GUCY1A2: variants seen among roughly 807,000 people sequenced by gnomAD.
The protein encoded by GUCY1A2 is guanylate cyclase 1 soluble subunit alpha 2, also known as guanylate cyclase soluble subunit alpha-2.
In GUCY1A2, 27 loss-of-function variants were observed where a neutral mutation model predicts 63.5. The observed-to-expected ratio is 0.43, with a 90% confidence interval of 0.31 to 0.59. The LOEUF (loss-of-function observed/expected upper bound fraction) is 0.59. GUCY1A2 is among the 20% of genes least tolerant of loss of function. The probability of loss-of-function intolerance (pLI) is 0.11; values close to 1 mark genes in which losing one functional copy is unlikely to be tolerated. For missense variants in GUCY1A2, 768 were observed against 913.3 expected (o/e 0.84, Z 2.05); for synonymous variants, 364 against 343.5 (o/e 1.06, Z -0.66).
At position 106,675,831 on chromosome 11, in the gene GUCY1A2, G is replaced by T. The variant is rs964556027; in HGVS notation, c.*11718C>A. On this transcript the variant is annotated 3_prime_UTR_variant, in exon 8 of 8. Transcript: ENST00000526355. ...TTTTTCACAATTTCAAAATAAGTCA[G>T]TATAGGATAAACAAAAGTTAACAGA... 1.6e-5 allele frequency: 3 copies of T among 187,166 alleles called. No homozygotes were observed. Among genetic ancestry groups the T allele is most frequent in the African/African-American group, 7.0e-5 (3 of 42,730 alleles). The allele number at this position is 187,166 out of a possible 1,614,324, so 11.6% of individuals were successfully genotyped here. A position where few individuals can be genotyped will look rare whatever the true frequency, so the allele number is the denominator to read the frequency against.
intron 4 of GUCY1A2, chr11:106,936,708 T>C: frequency 6.7e-7 from 1 of 1,486,532 alleles, no homozygotes; most frequent in Non-Finnish European, 8.9e-7. Context: ...GGTGACATGC[T>C]TGCTCTTGAT....
At chr11:106,858,401 A>ATAC (rs756282742) in intron 4 of GUCY1A2, among the ~76,000 whole-genome samples, 28 of 152,276 alleles carry the variant, frequency 1.8e-4, no homozygotes, top group South Asian at 1.4e-3. Flanking sequence ...TATAATGTCA[A>ATAC]TACTCATCAT....
chr11:106,926,152 G>A (rs1019068830), intron 4 of GUCY1A2, among the ~76,000 whole-genome samples: 7 of 152,148 alleles, frequency 4.6e-5, no homozygotes, highest in Non-Finnish European at 1.0e-4. Flanking sequence ...GGGCGCAGTG[G>A]TTCACGTCTA....
chr11:106,828,904 T>C (rs1364659479), intron 4 of GUCY1A2, among the ~76,000 whole-genome samples: 4 of 152,214 alleles, frequency 2.6e-5, no homozygotes, highest in African/African-American at 7.2e-5. Context: ...CCAGAAAGTA[T>C]TTGTTTTAAC....
intron 5 of GUCY1A2, among the ~76,000 whole-genome samples, chr11:106,782,282 G>A (rs76026564): frequency 0.046 from 7,001 of 152,238 alleles, 151 homozygotes; most frequent in East Asian, 0.092. Context: ...CTTTCCAGCC[G>A]TTTTGTGTTC....
chr11:106,757,701 G>A (rs1406453945), intron 6 of GUCY1A2, among the ~76,000 whole-genome samples: 1 of 152,132 alleles, frequency 6.6e-6, no homozygotes, highest in Non-Finnish European at 1.5e-5. Flanking sequence ...AGCAAATATT[G>A]CTCCCTGATC....
At chr11:106,921,928 T>C (rs1199499693) in intron 4 of GUCY1A2, among the ~76,000 whole-genome samples, 1 of 152,146 alleles carries the variant, frequency 6.6e-6, no homozygotes, top group African/African-American at 2.4e-5. Context: ...TGGGAATTAA[T>C]AAAATTACTG....
chr11:107,018,062 G>C lies in GUCY1A2; in HGVS notation c.-7C>G. ...AAATCTTCCTTCGAGACATGCTGCC[G>C]GCGGAGCTGCAGCGGCCGAGGCGGT... is the stretch of plus-strand genomic sequence containing the variant. On this transcript the variant is annotated 5_prime_UTR_variant, in exon 1 of 8. Coordinates refer to ENST00000526355, the MANE Select transcript of GUCY1A2 (RefSeq NM_000855.3). 2 of 1,449,594 alleles carry C rather than the reference G, an allele frequency of 1.4e-6. No homozygotes were observed. The highest frequency in any genetic ancestry group is 1.3e-5 in the South Asian group (1 of 74,186). The allele number at this position is 1,449,594 out of a possible 1,614,324, so 89.8% of individuals were successfully genotyped here. A position where few individuals can be genotyped will look rare whatever the true frequency, so the allele number is the denominator to read the frequency against.
At chr11:106,937,051 C>A (rs1860688513) in intron 4 of GUCY1A2, among the ~76,000 whole-genome samples, 1 of 151,984 alleles carries the variant, frequency 6.6e-6, no homozygotes. Flanking sequence ...AAATGTTATT[C>A]ATCTGGGTAA....
intron 4 of GUCY1A2, among the ~76,000 whole-genome samples, chr11:106,816,095 A>G (rs1185863248): frequency 2.0e-5 from 3 of 151,838 alleles, no homozygotes; most frequent in African/African-American, 4.8e-5. Flanking sequence ...AAAAACAACA[A>G]AATCTACAAA....
chr11:106,924,230 AT>A (rs1860488767), intron 4 of GUCY1A2, among the ~76,000 whole-genome samples: 2 of 152,174 alleles, frequency 1.3e-5, no homozygotes, highest in South Asian at 4.1e-4. Flanking sequence ...TAAATGTAAC[AT>A]TTTTTAATTC....
At chr11:106,895,469 A>G (rs1265969641) in intron 4 of GUCY1A2, among the ~76,000 whole-genome samples, 2 of 152,172 alleles carry the variant, frequency 1.3e-5, no homozygotes, top group African/African-American at 4.8e-5. Context: ...TGGGAGGTAA[A>G]TGAATCATGG....
chr11:106,797,514 T>C (rs529991321), intron 5 of GUCY1A2, among the ~76,000 whole-genome samples: 6 of 152,248 alleles, frequency 3.9e-5, no homozygotes, highest in South Asian at 4.1e-4. Context: ...ATTCCAAAAC[T>C]AACCACATAG....
intron 3 of GUCY1A2, among the ~76,000 whole-genome samples, chr11:106,973,029 C>A (rs1419849347): frequency 6.6e-6 from 1 of 152,070 alleles, no homozygotes; most frequent in African/African-American, 2.4e-5. Flanking sequence ...TGGTCTCATT[C>A]TTTCTCAGGA....
intron 4 of GUCY1A2, among the ~76,000 whole-genome samples, chr11:106,891,439 T>G (rs935776842): frequency 6.6e-6 from 1 of 152,134 alleles, no homozygotes; most frequent in African/African-American, 2.4e-5. Flanking sequence ...AATATTTAAT[T>G]TTGATGAAAT....
intron 6 of GUCY1A2, among the ~76,000 whole-genome samples, chr11:106,724,305 A>G (rs1194557621): frequency 1.3e-5 from 2 of 152,256 alleles, no homozygotes; most frequent in African/African-American, 4.8e-5. Flanking sequence ...AGACCCTTCT[A>G]CTTCTCAAGT....
At chr11:106,841,384 T>A (rs1001807205) in intron 4 of GUCY1A2, among the ~76,000 whole-genome samples, 1 of 151,920 alleles carries the variant, frequency 6.6e-6, no homozygotes, top group African/African-American at 2.4e-5. Flanking sequence ...AAATGTATAA[T>A]TAAAGTCCAC....
chr11:106,804,340 A>T (rs1054618249), intron 5 of GUCY1A2, among the ~76,000 whole-genome samples: 2 of 152,248 alleles, frequency 1.3e-5, no homozygotes, highest in African/African-American at 4.8e-5. Flanking sequence ...TGCACTGATC[A>T]TTAAAAGAGA....
In GUCY1A2 at chr11:106,717,518, T is replaced by C. The variant is rs1313466818; in HGVS notation, c.1837-8852A>G. ...CAAGTTAATACATTCAAATTTGTAT[T>C]GAAACAGTCTTATTTGTGCAAGAAA... is the stretch of plus-strand genomic sequence containing the variant. On this transcript the variant is annotated intron_variant, in intron 6 of 7. Transcript: ENST00000526355. 3.9e-5 allele frequency among the ~76,000 whole-genome samples: 6 copies of C among 152,204 alleles called. No individual in the cohort carries two copies. In the East Asian group the frequency reaches 1.2e-3, roughly 29 times the overall value.
Sources: gnomAD v4.1 joint callset for allele counts (sites outside exome capture counted in the v4.1 genomes callset) on GRCh38, gnomAD v4.1.1 for gene constraint, MANE v1.5 for transcripts, NCBI Gene and HGNC (gene_info 2026-07-23, HGNC 2026-07-21) for gene names.